Variants in DGKB observed in about 807,000 individuals in gnomAD.
DGKB encodes the protein diacylglycerol kinase beta.
Under a neutral mutation model 114.3 loss-of-function variants are expected in DGKB, and 67 were observed. The ratio of observed to expected loss-of-function variants is 0.59; its 90% confidence interval spans 0.48 to 0.72. DGKB has a LOEUF of 0.72. DGKB is among the 30% of genes least tolerant of loss of function. The pLI is 0.00. For missense variants in DGKB, 907 were observed against 975.2 expected (o/e 0.93, Z 0.93); for synonymous variants, 398 against 323.1 (o/e 1.23, Z -2.49).
intron 23 of DGKB, among the ~76,000 whole-genome samples, chr7:14,260,835 T>C (rs1796671145): frequency 1.3e-5 from 2 of 152,202 alleles, no homozygotes; most frequent in Non-Finnish European, 2.9e-5. Flanking sequence ...AATTAAAACT[T>C]GTTTTACATC....
At chr7:14,412,736 C>A (rs1347083234) in intron 21 of DGKB, among the ~76,000 whole-genome samples, 1 of 151,976 alleles carries the variant, frequency 6.6e-6, no homozygotes, top group East Asian at 1.9e-4. Context: ...AATCCCAGAA[C>A]TTTGAGAAGC....
At chr7:14,622,872 G>A (rs1807912126) in intron 14 of DGKB, among the ~76,000 whole-genome samples, 1 of 152,126 alleles carries the variant, frequency 6.6e-6, no homozygotes, top group South Asian at 2.1e-4. Flanking sequence ...ACTTGCCACT[G>A]CACATTTGTG....
chr7:14,298,687 CA>C (rs1802995195), intron 23 of DGKB, among the ~76,000 whole-genome samples: 1 of 152,166 alleles, frequency 6.6e-6, no homozygotes, highest in South Asian at 2.1e-4. Context: ...CCAAAATTAA[CA>C]AATGGGATCT....
At chr7:14,714,076 AACACACAC>A (rs71004329) in intron 6 of DGKB, among the ~76,000 whole-genome samples, 12,874 of 147,548 alleles carry the variant, frequency 0.087, 1,373 homozygotes, top group African/African-American at 0.26. Flanking sequence ...TACCTGTTGA[AACACACAC>A]ACACACACAC....
chr7:14,483,973 G>A (rs1783378950), intron 20 of DGKB, among the ~76,000 whole-genome samples: 2 of 151,428 alleles, frequency 1.3e-5, no homozygotes, highest in Admixed American at 6.6e-5. Flanking sequence ...TAAGTCAACA[G>A]GTTTGTGGTA....
intron 8 of DGKB, among the ~76,000 whole-genome samples, chr7:14,695,789 G>C (rs1585729940): frequency 6.6e-6 from 1 of 151,760 alleles, no homozygotes; most frequent in South Asian, 2.1e-4. Flanking sequence ...TTACAGGCTT[G>C]AGCCACCGAG....
chr7:14,783,154 A>C (rs2128491862), intron 2 of DGKB, among the ~76,000 whole-genome samples: 1 of 152,342 alleles, frequency 6.6e-6, no homozygotes, highest in Admixed American at 6.5e-5. Flanking sequence ...GGTAAGTAAT[A>C]AACATATAGT....
At chr7:14,647,666 C>G (rs950103571) in intron 13 of DGKB, among the ~76,000 whole-genome samples, 4 of 152,072 alleles carry the variant, frequency 2.6e-5, no homozygotes, top group Non-Finnish European at 5.9e-5. Flanking sequence ...AGTAACAGCT[C>G]GGGTCTACAG....
chr7:14,965,198 T>C (rs1562909066), intron 1 of DGKB, among the ~76,000 whole-genome samples: 1 of 152,096 alleles, frequency 6.6e-6, no homozygotes, highest in East Asian at 1.9e-4. Context: ...CAGTAGGTTA[T>C]ATTGGTTTAT....
intron 5 of DGKB, among the ~76,000 whole-genome samples, chr7:14,723,765 A>C (rs902016434): frequency 6.6e-6 from 1 of 152,338 alleles, no homozygotes; most frequent in Admixed American, 6.5e-5. Context: ...ACACACATAC[A>C]CATTCTTTTC....
At chr7:14,794,143 T>C (rs1406624247) in intron 2 of DGKB, among the ~76,000 whole-genome samples, 1 of 152,140 alleles carries the variant, frequency 6.6e-6, no homozygotes, top group Non-Finnish European at 1.5e-5. Flanking sequence ...TCACAATAAA[T>C]CTGTTCTGTT....
At chr7:14,638,184 C>T (rs1210001448) in intron 13 of DGKB, among the ~76,000 whole-genome samples, 1 of 151,952 alleles carries the variant, frequency 6.6e-6, no homozygotes, top group African/African-American at 2.4e-5. Context: ...TTTACAGTAC[C>T]ATCTATTGGA....
rs564606869 is a variant in DGKB at position 14,610,334 on chromosome 7, C to T, written c.1359-2826G>A. Among the ~76,000 whole-genome samples, 7 of 152,036 alleles carry T rather than the reference C, an allele frequency of 4.6e-5. No homozygotes were observed. The South Asian group carries it at 1.5e-3, about 32-fold the overall frequency. ...AAGCAGCAGCTAAACATTGAGAACACACACACTTAAACATGGGAACAGTAG... is the reference window on the plus strand; with the variant it reads ...AAGCAGCAGCTAAACATTGAGAACATACACACTTAAACATGGGAACAGTAG... On this transcript the variant is annotated intron_variant, in intron 16 of 25. Transcript: ENST00000402815.
intron 21 of DGKB, among the ~76,000 whole-genome samples, chr7:14,366,741 A>G (rs763221003): frequency 2.0e-5 from 3 of 152,158 alleles, no homozygotes; most frequent in Non-Finnish European, 4.4e-5. Flanking sequence ...GCATGTTTTT[A>G]AAGAAAAATT....
At chr7:14,786,438 T>C (rs1839903908) in intron 2 of DGKB, among the ~76,000 whole-genome samples, 1 of 152,194 alleles carries the variant, frequency 6.6e-6, no homozygotes. Flanking sequence ...ATGGCAGCTG[T>C]GGCCCATCTG....
intron 20 of DGKB, among the ~76,000 whole-genome samples, chr7:14,538,599 A>G (rs1196920565): frequency 6.6e-6 from 1 of 152,160 alleles, no homozygotes; most frequent in African/African-American, 2.4e-5. Flanking sequence ...AAAAAATTGA[A>G]CTACCATATG....
chr7:14,588,283 T>G (rs1801117157), intron 17 of DGKB, among the ~76,000 whole-genome samples: 1 of 152,100 alleles, frequency 6.6e-6, no homozygotes, highest in South Asian at 2.1e-4. Flanking sequence ...TTTTTTCAAA[T>G]ATCTTCTACA....
chr7:14,759,056 C>T (rs2043842619), intron 2 of DGKB, among the ~76,000 whole-genome samples: 1 of 152,170 alleles, frequency 6.6e-6, no homozygotes, highest in African/African-American at 2.4e-5. Flanking sequence ...TCCCAAGTAG[C>T]TGGGATTACA....
At chr7:14,166,602 A>C (rs182880168) in intron 25 of DGKB, among the ~76,000 whole-genome samples, 138 of 152,118 alleles carry the variant, frequency 9.1e-4, no homozygotes, top group Non-Finnish European at 3.4e-4. Context: ...TCTTCACTCT[A>C]TCTCTCCCAC....
Sources: allele counts gnomAD v4.1 joint callset (sites outside exome capture counted in the v4.1 genomes callset), GRCh38; gene constraint gnomAD v4.1.1; transcripts MANE v1.5; gene names NCBI Gene and HGNC (gene_info 2026-07-23, HGNC 2026-07-21).